Variants in LCLAT1 observed in about 807,000 individuals in gnomAD.
LCLAT1 encodes lysocardiolipin acyltransferase 1, also known as 1-AGP acyltransferase 8.
LCLAT1 carries 11 observed loss-of-function variants against 30.7 expected under a neutral mutation model. That is an observed-to-expected ratio of 0.36 (90% CI 0.23 to 0.59). LCLAT1 has a LOEUF of 0.59. Ranked by LOEUF, LCLAT1 falls within the 20% of genes least tolerant of loss-of-function variation. The pLI is 0.77. For missense variants in LCLAT1, 402 were observed against 458.6 expected, an observed-to-expected ratio of 0.88 and a Z score of 1.13; for synonymous variants, 155 against 151.3, an observed-to-expected ratio of 1.02 and a Z score of -0.18.
intron 3 of LCLAT1, among the ~76,000 whole-genome samples, chr2:30,550,931 G>A (rs1664648609): frequency 6.6e-6 from 1 of 151,914 alleles, no homozygotes; most frequent in South Asian, 2.1e-4. Context: ...ATTATAATCT[G>A]GTACTATCAT....
rs372589663 is a variant in LCLAT1, at chr2:30,524,241, C to T, written c.-4-1346C>T. ...TGTATGATGTTCTGGCTATGAGGAC[C>T]CCCTACAGTAATCCTTTGGAAATAG... On this transcript the variant is annotated intron_variant, in intron 1 of 5. Coordinates refer to ENST00000379509, the MANE Select transcript of LCLAT1 (RefSeq NM_001002257.3). 9.2e-5 allele frequency among the ~76,000 whole-genome samples: 14 copies of T among 152,200 alleles called. No individual in the cohort carries two copies. The South Asian group carries it at 2.9e-3, about 32-fold the overall frequency.
chr2:30,515,953 T>C (rs1413294588), intron 1 of LCLAT1, among the ~76,000 whole-genome samples: 2 of 152,184 alleles, frequency 1.3e-5, no homozygotes, highest in African/African-American at 4.8e-5. Context: ...GGGATAGTAA[T>C]GAGAGACAGG....
chr2:30,632,242 A>T (rs182276576), intron 5 of LCLAT1, among the ~76,000 whole-genome samples: 1 of 152,368 alleles, frequency 6.6e-6, no homozygotes, highest in Admixed American at 6.5e-5. Context: ...GTTCTTATTT[A>T]GAAAAAGATT....
At chr2:30,487,063 T>C (rs571121918) in intron 1 of LCLAT1, among the ~76,000 whole-genome samples, 1 of 152,324 alleles carries the variant, frequency 6.6e-6, no homozygotes, top group Non-Finnish European at 1.5e-5. Context: ...TATTGTTAAC[T>C]CACATTTTTA....
In LCLAT1 at chr2:30,562,299, T is replaced by A. The variant is rs1665267510; in HGVS notation, c.511+7T>A. The stretch of plus-strand genomic sequence containing the variant: ...GAAGGGACTGATCTCACAGGTAATG[T>A]AGCCTGGGTTTGGCAAAGTTAGAAA... On this transcript the variant is annotated splice_region_variant and intron_variant, in intron 4 of 5. Coordinates refer to ENST00000379509, the MANE Select transcript of LCLAT1 (RefSeq NM_001002257.3). 6.3e-7 allele frequency: 1 copy of A among 1,588,070 alleles called. No homozygotes were observed. Among genetic ancestry groups the A allele is most frequent in the Admixed American group, 1.7e-5 (1 of 58,712 alleles).
intron 1 of LCLAT1, among the ~76,000 whole-genome samples, chr2:30,501,834 C>T (rs1473393423): frequency 6.6e-6 from 1 of 152,100 alleles, no homozygotes; most frequent in East Asian, 1.9e-4. Flanking sequence ...AGATTAATGT[C>T]TGAATATCAA....
chr2:30,538,659 A>G (rs1236423637), intron 3 of LCLAT1, among the ~76,000 whole-genome samples: 8 of 152,020 alleles, frequency 5.3e-5, no homozygotes, highest in African/African-American at 1.9e-4. Context: ...AAATAAAAAA[A>G]TTAGAACTGT....
intron 1 of LCLAT1, among the ~76,000 whole-genome samples, chr2:30,468,883 G>C (rs180715105): frequency 6.6e-6 from 1 of 152,056 alleles, no homozygotes; most frequent in East Asian, 1.9e-4. Flanking sequence ...ATATATGAGG[G>C]TTGCAAATTT....
rs539683949 is a variant in LCLAT1, at chr2:30,586,716, T to G, written c.628+18540T>G. On this transcript the variant is annotated intron_variant, in intron 5 of 5. Coordinates refer to ENST00000379509, the MANE Select transcript of LCLAT1 (RefSeq NM_001002257.3). ...TTCTCTGCAGTAGCAATTTCAAGCC[T>G]CCTCTGCCCATCCTCAACATCTTGT... 2.0e-5 allele frequency among the ~76,000 whole-genome samples: 3 copies of G among 152,300 alleles called. No homozygotes were observed. In the East Asian group the frequency reaches 5.8e-4, roughly 29 times the overall value.
intron 5 of LCLAT1, among the ~76,000 whole-genome samples, chr2:30,568,796 G>A (rs550328854): frequency 1.5e-5 from 2 of 137,072 alleles, no homozygotes; most frequent in South Asian, 2.3e-4. Flanking sequence ...CGTGAGCCAC[G>A]GCGCCCGGCC....
At chr2:30,564,893 T>A (rs950121723) in intron 4 of LCLAT1, among the ~76,000 whole-genome samples, 7 of 152,200 alleles carry the variant, frequency 4.6e-5, no homozygotes, top group Non-Finnish European at 7.3e-5. Context: ...TGGTTATAAC[T>A]TTTTAATGGA....
In LCLAT1 at chr2:30,640,500, A is replaced by G. The variant is rs757604953; in HGVS notation, c.1012A>G (p.Ile338Val). 23 of 1,614,162 alleles carry G rather than the reference A, an allele frequency of 1.4e-5. 1 individual carries two copies. The East Asian group carries it at 4.9e-4, about 34-fold the overall frequency. ...CAGTCTTGTTAAGTGGTATTTTATAATCACCATTGTAATCTTTGTGCTGCA... is the reference window on the plus strand; with the variant it reads ...CAGTCTTGTTAAGTGGTATTTTATAGTCACCATTGTAATCTTTGTGCTGCA... ...LYSLVKWYFI[I>V]TIVIFVLQER... Residue 338 changes from isoleucine to valine, a missense_variant, in exon 6 of 6, where the codon ATC becomes GTC. Ile to Val is a conservative substitution (Grantham distance 29). Transcript: ENST00000379509.
At chr2:30,612,791 C>T (rs767991648) in intron 5 of LCLAT1, among the ~76,000 whole-genome samples, 6 of 152,152 alleles carry the variant, frequency 3.9e-5, no homozygotes, top group Non-Finnish European at 8.8e-5. Flanking sequence ...TTCTTAGGCT[C>T]TCTGCCAAGA....
At chr2:30,575,832 A>G (rs1665971717) in intron 5 of LCLAT1, among the ~76,000 whole-genome samples, 1 of 152,150 alleles carries the variant, frequency 6.6e-6, no homozygotes, top group Non-Finnish European at 1.5e-5. Context: ...TTAAACAGAT[A>G]GTTATTGCAA....
Position 30,533,234 on chromosome 2 carries a change from G to A in LCLAT1, c.284G>A (p.Trp95Ter), listed in dbSNP as rs143388876. 2.9e-5 allele frequency: 46 copies of A among 1,613,950 alleles called. No individual in the cohort carries two copies. The highest frequency in any genetic ancestry group is 3.6e-5 in the Non-Finnish European group (43 of 1,179,926). ...ACAAGAATGGACTGGATGTTCCTGT[G>A]GAATTGCCTGATGCGATATAGCTAC... ...HRTRMDWMFL[W>*]NCLMRYSYLR... Residue 95 changes from tryptophan to a stop codon, truncating the protein, a stop_gained, in exon 3 of 6, where the codon TGG (tryptophan) becomes TAG (stop). Coordinates refer to ENST00000379509, the MANE Select transcript of LCLAT1 (RefSeq NM_001002257.3). LOFTEE classifies it high-confidence loss of function.
At chr2:30,459,037 T>C (rs1257566557) in intron 1 of LCLAT1, among the ~76,000 whole-genome samples, 1 of 152,238 alleles carries the variant, frequency 6.6e-6, no homozygotes, top group Non-Finnish European at 1.5e-5. Context: ...AAAATGGTTT[T>C]TGTAATTTGG....
chr2:30,560,443 G>A (rs1665156270), intron 3 of LCLAT1, among the ~76,000 whole-genome samples: 1 of 151,958 alleles, frequency 6.6e-6, no homozygotes, highest in Admixed American at 6.6e-5. Context: ...GGTTCAAGCA[G>A]TTCTCCCCGC....
At chr2:30,531,820 T>TA (rs962718021) in intron 2 of LCLAT1, among the ~76,000 whole-genome samples, 2 of 152,180 alleles carry the variant, frequency 1.3e-5, no homozygotes, top group Non-Finnish European at 2.9e-5. Context: ...ATTGCATTTT[T>TA]AAAAAAATGC....
At chr2:30,636,305 T>G (rs1669021144) in intron 5 of LCLAT1, among the ~76,000 whole-genome samples, 1 of 152,092 alleles carries the variant, frequency 6.6e-6, no homozygotes, top group South Asian at 2.1e-4. Context: ...CTGTTGACAG[T>G]GGTATGGAGA....
Sources: allele counts gnomAD v4.1 joint callset (sites outside exome capture counted in the v4.1 genomes callset), GRCh38; gene constraint gnomAD v4.1.1; transcripts MANE v1.5; gene names NCBI Gene and HGNC (gene_info 2026-07-23, HGNC 2026-07-21).